ZC3H11A: variants seen among roughly 807,000 people sequenced by gnomAD.
ZC3H11A encodes the protein zinc finger CCCH-type containing 11A.
A neutral mutation model predicts 90.8 loss-of-function variants in ZC3H11A; 22 were observed. That is an observed-to-expected ratio of 0.24 (90% CI 0.17 to 0.35). The LOEUF is 0.35. ZC3H11A is among the 10% of genes least tolerant of loss of function. The pLI, the probability that ZC3H11A is intolerant of heterozygous loss-of-function variation, is 1.00. For missense variants in ZC3H11A, 701 were observed against 964.9 expected (o/e 0.73, Z 3.62); for synonymous variants, 294 against 339.8 (o/e 0.87, Z 1.48).
At chr1:203,844,499 T>C (rs1687348498) in intron 12 of ZC3H11A, among the ~76,000 whole-genome samples, 1 of 152,212 alleles carries the variant, frequency 6.6e-6, no homozygotes, top group Non-Finnish European at 1.5e-5. Context: ...AAATCTTTAT[T>C]TTTATTTTTA....
intron 2 of ZC3H11A, chr1:203,806,294 T>C (rs913517380): frequency 8.6e-6 from 2 of 231,572 alleles, no homozygotes; most frequent in Admixed American, 5.5e-5. Context: ...CCCATACACC[T>C]TTTTTTCTTT....
intron 2 of ZC3H11A, among the ~76,000 whole-genome samples, chr1:203,804,924 C>A (rs1194163246): frequency 6.6e-6 from 1 of 151,794 alleles, no homozygotes; most frequent in East Asian, 1.9e-4. Flanking sequence ...CTGCCCAACT[C>A]GGCCTCCTAA....
rs779729339 is a variant in ZC3H11A, at chr1:203,815,211, C to CTTTCTTTTTTT, written c.-145-1712_-145-1711insCTTTTTTTTTT. On this transcript the variant is annotated intron_variant, in intron 2 of 17. Coordinates refer to ENST00000367210, the MANE Select transcript of ZC3H11A (RefSeq NM_001376342.1). ...GTTATTTCATTATTTTCTTCCTTTT[C>CTTTCTTTTTTT]TTTTCTTTTTTTTTTTTTTTTGAGA... 6.9e-4 allele frequency among the ~76,000 whole-genome samples: 41 copies of CTTTCTTTTTTT among 59,380 alleles called. 2 individuals are homozygous for CTTTCTTTTTTT. Among genetic ancestry groups the CTTTCTTTTTTT allele is most frequent in the East Asian group, 3.7e-3 (10 of 2,714 alleles). 39.0% of individuals were successfully genotyped at this position (59,380 alleles called of 152,430 possible). A position where few individuals can be genotyped will look rare whatever the true frequency, so the allele number is the denominator to read the frequency against.
At chr1:203,840,641 A>AT (rs1404527265) in intron 12 of ZC3H11A, among the ~76,000 whole-genome samples, 8 of 141,342 alleles carry the variant, frequency 5.7e-5, no homozygotes, top group African/African-American at 2.1e-4. Flanking sequence ...TATTTATTTT[A>AT]TTTATTTTTG....
intron 4 of ZC3H11A, among the ~76,000 whole-genome samples, chr1:203,823,719 T>C (rs568999691): frequency 1.3e-5 from 2 of 152,344 alleles, no homozygotes; most frequent in Admixed American, 1.3e-4. Context: ...TAAATACTTA[T>C]ACTTTTTACA....
At chr1:203,824,448 A>G (rs192926259) in intron 4 of ZC3H11A, among the ~76,000 whole-genome samples, 1 of 152,246 alleles carries the variant, frequency 6.6e-6, no homozygotes, top group African/African-American at 2.4e-5. Flanking sequence ...ATTCATTTTC[A>G]TTATTCATTG....
At chr1:203,818,135 C>A (rs958478807) in intron 3 of ZC3H11A, among the ~76,000 whole-genome samples, 2 of 152,086 alleles carry the variant, frequency 1.3e-5, no homozygotes, top group African/African-American at 4.8e-5. Context: ...CGTTTTATTT[C>A]AGATATTACC....
At position 203,828,378 on chromosome 1, in the gene ZC3H11A, A is replaced by G. The variant is rs768147422; in HGVS notation, c.254A>G (p.Asn85Ser). 1 of 1,613,982 alleles carries G rather than the reference A, an allele frequency of 6.2e-7. No homozygotes were observed. The highest frequency in any genetic ancestry group is 8.5e-7 in the Non-Finnish European group (1 of 1,179,936). ...AAATTAAACTGCGCTTTCCATCACAATAGAGGACGATATGTTGATGGCCTT... is the reference window on the plus strand; with the variant it reads ...AAATTAAACTGCGCTTTCCATCACAGTAGAGGACGATATGTTGATGGCCTT... ...CQKLNCAFHH[N>S]RGRYVDGLFL... is the part of the protein sequence containing the mutation. The change falls in exon 5 of 18, where the codon AAT becomes AGT. Residue 85 changes from asparagine (N) to serine (S), a missense_variant. Asn to Ser is a conservative substitution (Grantham distance 46). Transcript: ENST00000367210.
rs746263006 is a variant in ZC3H11A, at chr1:203,849,678, G to C, written c.1624-33G>C. ...ATCATACAGGTTATTAGAGGTACCA[G>C]ATTTTAATTCTGTCATTCAAATTTA... On this transcript the variant is annotated intron_variant, in intron 14 of 17. Coordinates refer to ENST00000367210, the MANE Select transcript of ZC3H11A (RefSeq NM_001376342.1). 9 of 1,604,902 alleles carry C rather than the reference G, an allele frequency of 5.6e-6. No individual in the cohort carries two copies. In the South Asian group the frequency reaches 7.7e-5, roughly 14 times the overall value.
chr1:203,850,118 T>A, intron 15 of ZC3H11A, 92 bp downstream of exon 15: 1 of 1,147,174 alleles, frequency 8.7e-7, no homozygotes, highest in Non-Finnish European at 1.2e-6. Context: ...AACAATTGGG[T>A]TGAATTTCAT....
intron 2 of ZC3H11A, chr1:203,805,763 C>T (rs1342947576): frequency 4.4e-6 from 3 of 680,998 alleles, no homozygotes; most frequent in Non-Finnish European, 8.4e-6. Flanking sequence ...AGCTCATCAC[C>T]CAGTGTATCC....
intron 1 of ZC3H11A, chr1:203,798,458 C>T (rs1483410256): frequency 2.0e-6 from 3 of 1,536,068 alleles, no homozygotes; most frequent in East Asian, 2.4e-5. Context: ...ACCTGCAAGC[C>T]ACACATCCTA....
chr1:203,825,621 A>C (rs139073945), intron 4 of ZC3H11A, among the ~76,000 whole-genome samples: 4 of 152,100 alleles, frequency 2.6e-5, no homozygotes, highest in African/African-American at 9.6e-5. Context: ...TTTTTAGTAG[A>C]GACGGGGTTT....
chr1:203,829,807 C>G lies in ZC3H11A; in HGVS notation c.530C>G (p.Thr177Ser). The G allele has an allele frequency of 6.2e-7, 1 of 1,613,988 alleles. No individual in the cohort carries two copies. Among genetic ancestry groups the G allele is most frequent in the Non-Finnish European group, 8.5e-7 (1 of 1,179,962 alleles). ...DDQFSEEGDE[T>S]KTPTLQPTPE... The stretch of plus-strand genomic sequence containing the variant: ...CAGTTTTCTGAGGAAGGTGATGAAA[C>G]CAAAACACCTACCCTGCAACCAACT... Residue 177 changes from threonine (T) to serine (S), a missense_variant, in exon 7 of 18, where the codon ACC becomes AGC. Thr to Ser is a moderately conservative substitution (Grantham distance 58, BLOSUM62 1). This residue lies in a region of ZC3H11A where 530 missense variants were observed against 696.2 expected (regional missense o/e 0.76). Coordinates refer to ENST00000367210, the MANE Select transcript of ZC3H11A (RefSeq NM_001376342.1).
intron 2 of ZC3H11A, among the ~76,000 whole-genome samples, chr1:203,811,265 G>T (rs11240553): frequency 0.11 from 16,943 of 152,030 alleles, 1,177 homozygotes; most frequent in Non-Finnish European, 0.15. Flanking sequence ...CTGAGGTCGT[G>T]CCATTGCACT....
intron 2 of ZC3H11A, among the ~76,000 whole-genome samples, chr1:203,808,661 C>T (rs982057493): frequency 8.6e-5 from 13 of 152,034 alleles, no homozygotes; most frequent in Admixed American, 8.5e-4. Flanking sequence ...GTGGAGATGT[C>T]GTGTCAGTAA....
intron 16 of ZC3H11A, 79 bp downstream of exon 16, chr1:203,850,760 T>C (rs1253699595): frequency 1.3e-6 from 2 of 1,525,782 alleles, no homozygotes; most frequent in Non-Finnish European, 1.8e-6. Context: ...ACTAGCATTC[T>C]ATCTTGAGTA....
rs561661004 is a variant in ZC3H11A at position 203,797,124 on chromosome 1, G to A, written c.-1588+1330G>A. 1.0e-3 allele frequency: 163 copies of A among 156,504 alleles called. 1 individual carries two copies. The highest frequency in any genetic ancestry group is 3.8e-3 in the African/African-American group (158 of 41,702). The allele number at this position is 156,504 out of a possible 1,614,324, so 9.7% of individuals were successfully genotyped here. ...AAAATATGTATTTTACAAGGTGAAG[G>A]CATTTCAAGTAGATATAGTTCTTGA... On this transcript the variant is annotated intron_variant, in intron 1 of 17. Coordinates refer to ENST00000367210, the MANE Select transcript of ZC3H11A (RefSeq NM_001376342.1).
At chr1:203,803,279 C>T (rs1187338816) in intron 2 of ZC3H11A, among the ~76,000 whole-genome samples, 1 of 151,894 alleles carries the variant, frequency 6.6e-6, no homozygotes, top group Non-Finnish European at 1.5e-5. Flanking sequence ...GCAACCTCCT[C>T]CTCCCAGGTT....
Sources: allele counts gnomAD v4.1 joint callset (sites outside exome capture counted in the v4.1 genomes callset), GRCh38; gene constraint gnomAD v4.1.1; regional missense constraint gnomAD v4.1.1; transcripts MANE v1.5; gene names NCBI Gene and HGNC (gene_info 2026-07-23, HGNC 2026-07-21).